Variants in PFKM observed in about 807,000 individuals in gnomAD.
PFKM encodes ATP-dependent 6-phosphofructokinase, muscle type.
PFKM carries 58 observed loss-of-function variants against 95.5 expected under a neutral mutation model. The observed-to-expected ratio is 0.61, with a 90% CI of 0.49 to 0.76. PFKM has a LOEUF of 0.76. Ranked by LOEUF, PFKM falls within the 30% of genes least tolerant of loss-of-function variation. The pLI is 0.00. For missense variants in PFKM, 678 were observed against 1,005.4 expected (o/e 0.67, Z 4.40); for synonymous variants, 336 against 357.2 (o/e 0.94, Z 0.67).
upstream of PFKM, among the ~76,000 whole-genome samples, chr12:48,118,788 A>G (rs896483664): frequency 1.3e-5 from 2 of 152,076 alleles, no homozygotes; most frequent in African/African-American, 4.8e-5. Flanking sequence ...GCTTTTCTGT[A>G]CTTTCTCTGA....
Position 48,143,806 on chromosome 12 carries a change from G to A in PFKM, c.1872G>A (p.Leu624=). The change falls in exon 19 of 23, where the codon TTG becomes TTA. Residue 624 remains leucine, a synonymous_variant. Coordinates refer to ENST00000359794, the MANE Select transcript of PFKM (RefSeq NM_000289.6). ...TGAAAACAACTGTGAAAAGGGGCTT[G>A]GTGTTAAGGTACCTCATCCATGGTT... ...QKMKTTVKRG[L]VLRNEKCNEN... 1 of 1,610,458 alleles carries A rather than the reference G, an allele frequency of 6.2e-7. No individual in the cohort carries two copies. Among genetic ancestry groups the A allele is most frequent in the Non-Finnish European group, 8.5e-7 (1 of 1,176,622 alleles).
intron 1 of PFKM, chr12:48,106,347 C>T: frequency 1.9e-6 from 1 of 518,768 alleles, no homozygotes; most frequent in Non-Finnish European, 3.4e-6. Flanking sequence ...TTTCTCTGTT[C>T]CCTCTGCTCC....
At chr12:48,116,617 T>C (rs1170735883), upstream of PFKM, among the ~76,000 whole-genome samples, 3 of 152,200 alleles carry the variant, frequency 2.0e-5, no homozygotes, top group African/African-American at 7.2e-5. Flanking sequence ...TAGCTGGGAC[T>C]ACAGGCATGT....
chr12:48,107,870 A>G (rs1281239040), intron 2 of PFKM, among the ~76,000 whole-genome samples: 1 of 152,226 alleles, frequency 6.6e-6, no homozygotes, highest in Non-Finnish European at 1.5e-5. Context: ...ACCTCAAAGT[A>G]TCTAGTTATA....
intron 2 of PFKM, among the ~76,000 whole-genome samples, chr12:48,125,875 CAA>C (rs1463003529): frequency 6.6e-6 from 1 of 152,196 alleles, no homozygotes; most frequent in Non-Finnish European, 1.5e-5. Context: ...TCATCTCTAA[CAA>C]ATGTTTATTC....
intron 13 of PFKM, 138 bp downstream of exon 13, chr12:48,140,050 G>C (rs547273816): frequency 1.5e-6 from 1 of 669,272 alleles, no homozygotes; most frequent in South Asian, 1.6e-5. Context: ...CTGGGTCCCT[G>C]GCCCTATTAT....
chr12:48,115,298 A>G (rs941751092), upstream of PFKM, among the ~76,000 whole-genome samples: 3 of 152,238 alleles, frequency 2.0e-5, no homozygotes, highest in African/African-American at 7.2e-5. Flanking sequence ...TGTGTGAGCA[A>G]CGAGGCTGTT....
rs1335397957 is a variant in PFKM at position 48,133,025 on chromosome 12, G to A, written c.395G>A (p.Trp132Ter). Residue 132 changes from tryptophan (W) to a stop codon, truncating the protein, a stop_gained, in exon 5 of 23, where the codon TGG (tryptophan) becomes TAG (stop). Coordinates refer to ENST00000359794, the MANE Select transcript of PFKM (RefSeq NM_000289.6). LOFTEE classifies it high-confidence loss of function. ...GGGGCTGACACCTTCCGTTCTGAGT[G>A]GAGTGACTTGTTGAGTGACCTCCAG... Reference protein sequence around the residue: ...LTGADTFRSEWSDLLSDLQKA... With the variant: ...LTGADTFRSE 1.2e-6 allele frequency: 2 copies of A among 1,614,192 alleles called. No individual in the cohort carries two copies. The highest frequency in any genetic ancestry group is 1.3e-5 in the African/African-American group (1 of 75,054).
In PFKM at chr12:48,131,376, T is replaced by G. The variant is rs1592716856; in HGVS notation, c.220T>G (p.Ser74Ala). The G allele has an allele frequency of 6.2e-7, 1 of 1,612,062 alleles. No individual in the cohort carries two copies. Residue 74 changes from serine to alanine, a missense_variant, in exon 4 of 23, where the codon TCG (serine) becomes GCG (alanine). Transcript: ENST00000359794. ...CAAGGAAGCCACCTGGGAGAGCGTT[T>G]CGATGATGCTTCAGCTGGTATGTTC... is the stretch of plus-strand genomic sequence containing the variant. ...HIKEATWESV[S>A]MMLQLGGTVI...
At position 48,133,277 on chromosome 12, in the gene PFKM, C is replaced by A. The variant is rs191637699; in HGVS notation, c.428-38C>A. 3.7e-5 allele frequency: 58 copies of A among 1,588,718 alleles called. No individual in the cohort carries two copies. In the African/African-American group the frequency reaches 7.2e-4, roughly 20 times the overall value. On this transcript the variant is annotated intron_variant, in intron 5 of 22. Transcript: ENST00000359794. The stretch of plus-strand genomic sequence containing the variant: ...ATCTCCTCTTTAGGCATGCCAGGTG[C>A]CTCACCCAGTGGCTCCTGGTTTGCT...
At chr12:48,115,953 T>C (rs1013930364), upstream of PFKM, among the ~76,000 whole-genome samples, 4 of 152,160 alleles carry the variant, frequency 2.6e-5, no homozygotes, top group Admixed American at 6.5e-5. Flanking sequence ...GGTATATACC[T>C]AGGAGTGGAA....
Position 48,145,100 on chromosome 12 carries a change from T to C in PFKM, c.2062T>C (p.Ser688Pro). Reference protein sequence around the residue: ...KMGAKAMNWMSGKIKESYRNG... With the variant: ...KMGAKAMNWMPGKIKESYRNG... ...GGGCGCCAAGGCTATGAACTGGATG[T>C]CTGGGAAAATCAAAGAGAGTTACCG... The change falls in exon 21 of 23, where the codon TCT (serine) becomes CCT (proline). Residue 688 changes from serine to proline, a missense_variant. Transcript: ENST00000359794. This position sits in a 1 kb window ranked among gnomAD's most constrained non-coding sequence, Gnocchi z 4.3. The C allele has an allele frequency of 6.2e-7, 1 of 1,614,142 alleles. No individual in the cohort carries two copies. Among genetic ancestry groups the C allele is most frequent in the Non-Finnish European group, 8.5e-7 (1 of 1,179,994 alleles).
upstream of PFKM, among the ~76,000 whole-genome samples, chr12:48,117,475 T>A (rs916466285): frequency 1.3e-5 from 2 of 152,252 alleles, no homozygotes; most frequent in Non-Finnish European, 2.9e-5. Flanking sequence ...TTCCAGTGGT[T>A]CCACATTCTC....
chr12:48,123,012 G>T (rs1948443454), intron 2 of PFKM, among the ~76,000 whole-genome samples, 153 bp downstream of exon 2: 1 of 152,126 alleles, frequency 6.6e-6, no homozygotes, highest in South Asian at 2.1e-4. Context: ...AAGTGCATTT[G>T]AATTTTATTT....
At chr12:48,133,501 G>C in intron 6 of PFKM, 21 bp downstream of exon 6, 1 of 1,610,812 alleles carries the variant, frequency 6.2e-7, no homozygotes, top group Non-Finnish European at 8.5e-7. Context: ...TTGGGAGGTA[G>C]GCAGTGTAAG....
chr12:48,107,570 C>T (rs2137504496), intron 2 of PFKM: 1 of 693,772 alleles, frequency 1.4e-6, no homozygotes, highest in East Asian at 2.5e-5. Context: ...GGTCAACTGA[C>T]CTTGTTTATC....
intron 5 of PFKM, 120 bp from the exon 6 acceptor site, chr12:48,133,195 T>C: frequency 1.6e-6 from 2 of 1,275,552 alleles, no homozygotes; most frequent in South Asian, 2.4e-5. Flanking sequence ...GTCTTTGCCC[T>C]CCTTTTTCTG....
chr12:48,128,447 A>G (rs896803247), intron 2 of PFKM, among the ~76,000 whole-genome samples: 14 of 152,016 alleles, frequency 9.2e-5, no homozygotes, highest in African/African-American at 2.7e-4. Context: ...GTAATTCTCC[A>G]CATGTCTTGA....
chr12:48,112,398 C>T (rs1431202862), intron 3 of PFKM, among the ~76,000 whole-genome samples: 3 of 149,896 alleles, frequency 2.0e-5, no homozygotes, highest in Non-Finnish European at 3.0e-5. Context: ...CAGCAGAACA[C>T]GTGTGTTTTC....
Sources: gnomAD v4.1 joint callset for allele counts (sites outside exome capture counted in the v4.1 genomes callset) on GRCh38, gnomAD v4.1.1 for gene constraint, Gnocchi (gnomAD v3.1) non-coding constraint, MANE v1.5 for transcripts, NCBI Gene and HGNC (gene_info 2026-07-23, HGNC 2026-07-21) for gene names.